The following TTC8 variants were observed in gnomAD, a reference collection of about 807,000 sequenced individuals.
The protein encoded by TTC8 is tetratricopeptide repeat domain 8.
Under a neutral mutation model 72.5 loss-of-function variants are expected in TTC8, and 47 were observed. The observed-to-expected ratio is 0.65, with a 90% CI of 0.51 to 0.83. The LOEUF (loss-of-function observed/expected upper bound fraction) is 0.83, where lower values mean the gene tolerates loss of function less well. Ranked by LOEUF, TTC8 falls within the 40% of genes least tolerant of loss-of-function variation. TTC8 has a pLI of 0.00. For missense variants in TTC8, 611 were observed against 623.2 expected (o/e 0.98, Z 0.21); for synonymous variants, 199 against 221.4 (o/e 0.90, Z 0.90).
chr14:88,846,877 T>C (rs567865601), intron 7 of TTC8: 22 of 364,584 alleles, frequency 6.0e-5, no homozygotes, highest in Middle Eastern at 7.5e-4. Context: ...TGAAATCTTA[T>C]CGAGACCCTA....
At chr14:88,872,568 G>A (rs777158278) in intron 13 of TTC8, 116 bp downstream of exon 13, 120 of 1,453,746 alleles carry the variant, frequency 8.3e-5, no homozygotes, top group Admixed American at 1.1e-4. Flanking sequence ...TCTGACAGGC[G>A]TGGATTTGAA....
At chr14:88,872,584 G>A in intron 13 of TTC8, 132 bp downstream of exon 13, 1 of 1,307,428 alleles carries the variant, frequency 7.6e-7, no homozygotes, top group Non-Finnish European at 1.1e-6. Flanking sequence ...TTGAATCCCA[G>A]CTCTGTTGTG....
rs1208527883 is a variant in TTC8 at position 88,877,328 on chromosome 14, A to G, written c.1466A>G (p.Gln489Arg). The G allele has an allele frequency of 2.5e-6, 4 of 1,613,790 alleles. No individual in the cohort carries two copies. Among genetic ancestry groups the G allele is most frequent in the African/African-American group, 2.7e-5 (2 of 75,030 alleles). Residue 489 changes from glutamine (Q) to arginine (R), a missense_variant, in exon 15 of 15, where the codon CAG becomes CGG. Gln to Arg is a conservative substitution (Grantham distance 43). Transcript: ENST00000380656. ...GDLQRSYVAA[Q>R]KSEAAFPDHV... ...CTGCAGAGAAGCTATGTTGCTGCGC[A>G]GAAGTCTGAAGCAGCATTTCCAGAC...
intron 8 of TTC8, among the ~76,000 whole-genome samples, chr14:88,856,892 C>T (rs1471512546): frequency 1.3e-5 from 2 of 152,138 alleles, no homozygotes; most frequent in African/African-American, 4.8e-5. Flanking sequence ...TGATCATAAG[C>T]TCTTTGGGTG....
chr14:88,833,556 G>C, intron 1 of TTC8, 137 bp from the exon 2 acceptor site: 1 of 718,554 alleles, frequency 1.4e-6, no homozygotes, highest in Non-Finnish European at 2.5e-6. Context: ...ACTTCTGTAG[G>C]AAGACTAAAG....
At chr14:88,855,907 C>T (rs1188955068) in intron 8 of TTC8, among the ~76,000 whole-genome samples, 2 of 152,124 alleles carry the variant, frequency 1.3e-5, no homozygotes, top group African/African-American at 4.8e-5. Context: ...AAGGTGAGAT[C>T]CTGTCTTTAC....
rs140843528 is a variant in TTC8 at position 88,842,845 on chromosome 14, C to T, written c.580-961C>T. On this transcript the variant is annotated intron_variant, in intron 6 of 14. Coordinates refer to ENST00000380656, the MANE Select transcript of TTC8 (RefSeq NM_144596.4). Reference sequence around the variant, plus strand: ...GGGTGTCTAGGGTGACTCTATGACACTGTCTTTGATGCTGTAACGTCATTT... The same window carrying T: ...GGGTGTCTAGGGTGACTCTATGACATTGTCTTTGATGCTGTAACGTCATTT... Among the ~76,000 whole-genome samples the T allele has an allele frequency of 4.3e-3, 654 of 152,234 alleles. 8 individuals carry two copies. The highest frequency in any genetic ancestry group is 0.015 in the African/African-American group (626 of 41,536).
At chr14:88,861,499 T>G (rs949954958) in intron 10 of TTC8, among the ~76,000 whole-genome samples, 167 bp downstream of exon 10, 1 of 152,222 alleles carries the variant, frequency 6.6e-6, no homozygotes, top group African/African-American at 2.4e-5. Context: ...TTGGGAACAT[T>G]ACAATTCTTT....
At position 88,853,062 on chromosome 14, in the gene TTC8, T is replaced by G. The variant is rs2094840474; in HGVS notation, c.710+6T>G. 1.2e-6 allele frequency: 2 copies of G among 1,608,806 alleles called. No homozygotes were observed. Among genetic ancestry groups the G allele is most frequent in the South Asian group, 2.2e-5 (2 of 90,972 alleles). ...ATTGGAAAATGTTACTACAGGTAAA[T>G]TTCATTATTTGTGAAGGGCTTAGAA... is the stretch of plus-strand genomic sequence containing the variant. On this transcript the variant is annotated splice_donor_region_variant and intron_variant, in intron 8 of 14. Coordinates refer to ENST00000380656, the MANE Select transcript of TTC8 (RefSeq NM_144596.4).
intron 2 of TTC8, among the ~76,000 whole-genome samples, chr14:88,838,581 C>T (rs2094764097): frequency 6.6e-6 from 1 of 152,140 alleles, no homozygotes; most frequent in African/African-American, 2.4e-5. Flanking sequence ...TTTTCAAATC[C>T]TCCACAGCAC....
chr14:88,877,200 C>T, intron 14 of TTC8, 94 bp from the exon 15 acceptor site: 1 of 884,100 alleles, frequency 1.1e-6, no homozygotes, highest in South Asian at 1.4e-5. Context: ...TGAATTTCTA[C>T]AGCATGCAGA....
chr14:88,858,250 A>G (rs1372525645), intron 9 of TTC8, among the ~76,000 whole-genome samples: 1 of 152,138 alleles, frequency 6.6e-6, no homozygotes, highest in Non-Finnish European at 1.5e-5. Context: ...GGTGGGAGCC[A>G]CCATGCCTGG....
chr14:88,874,978 A>T, intron 13 of TTC8, 48 bp from the exon 14 acceptor site: 1 of 1,442,638 alleles, frequency 6.9e-7, no homozygotes, highest in Non-Finnish European at 9.6e-7. Context: ...TGGTGCTGAT[A>T]TATGTTCATA....
At chr14:88,872,300 A>T (rs1159072958) in intron 12 of TTC8, 30 bp from the exon 13 acceptor site, 4 of 1,612,862 alleles carry the variant, frequency 2.5e-6, no homozygotes, top group Non-Finnish European at 3.4e-6. Flanking sequence ...AAACGGACCC[A>T]TGGGTGTGAA....
intron 7 of TTC8, among the ~76,000 whole-genome samples, chr14:88,844,519 A>G (rs1366183707): frequency 2.0e-5 from 3 of 151,978 alleles, no homozygotes; most frequent in Non-Finnish European, 4.4e-5. Context: ...GAAAATAAAA[A>G]TGTTTTCCTT....
chr14:88,878,316 T>C (rs575352197), downstream of TTC8: 9 of 152,324 alleles, frequency 5.9e-5, 1 homozygote, highest in Admixed American at 3.9e-4. Context: ...GGAACTCTTA[T>C]TAAAGTGTTC....
At chr14:88,879,095 T>A (rs1236550070), downstream of TTC8, 1 of 152,156 alleles carries the variant, frequency 6.6e-6, no homozygotes, top group Non-Finnish European at 1.5e-5. Flanking sequence ...CAGCAAAAAA[T>A]AAATGATTCC....
chr14:88,828,642 T>C (rs1444677979), intron 1 of TTC8, among the ~76,000 whole-genome samples: 2 of 152,228 alleles, frequency 1.3e-5, no homozygotes, highest in African/African-American at 4.8e-5. Context: ...TTTTTAATAA[T>C]GTCATTTTTC....
chr14:88,869,621 C>G (rs2141032058), intron 10 of TTC8, among the ~76,000 whole-genome samples: 1 of 152,256 alleles, frequency 6.6e-6, no homozygotes, highest in East Asian at 1.9e-4. Context: ...TCATATGTGA[C>G]AAGCACGTTC....
Sources: allele counts gnomAD v4.1 joint callset (sites outside exome capture counted in the v4.1 genomes callset), GRCh38; gene constraint gnomAD v4.1.1; transcripts MANE v1.5; gene names NCBI Gene and HGNC (gene_info 2026-07-23, HGNC 2026-07-21).